The following PDS5B variants were observed in gnomAD, a reference collection of about 807,000 sequenced individuals.
PDS5B encodes the protein PDS5 cohesin associated factor B.
In PDS5B, 51 loss-of-function variants were observed where a neutral mutation model predicts 184.1. The ratio of observed to expected loss-of-function variants is 0.28; its 90% CI spans 0.22 to 0.35. PDS5B has a LOEUF of 0.35. Ranked by LOEUF, PDS5B falls within the 10% of genes least tolerant of loss-of-function variation. The pLI is 1.00. For missense variants in PDS5B, 1,180 were observed against 1,723.3 expected, an observed-to-expected ratio of 0.68 and a Z score of 5.58; for synonymous variants, 566 against 569.2, an observed-to-expected ratio of 0.99 and a Z score of 0.08.
chr13:32,628,155 T>G (rs1017587990), intron 1 of PDS5B, among the ~76,000 whole-genome samples: 7 of 152,228 alleles, frequency 4.6e-5, no homozygotes, highest in Non-Finnish European at 8.8e-5. Context: ...AAAAAATACT[T>G]TATTACAAAT....
At chr13:32,758,952 GAT>G (rs1340538413) in intron 28 of PDS5B, among the ~76,000 whole-genome samples, 1 of 152,214 alleles carries the variant, frequency 6.6e-6, no homozygotes, top group East Asian at 1.9e-4. Flanking sequence ...TGCTGATAGA[GAT>G]ACAGTCTGAA....
intron 21 of PDS5B, 80 bp downstream of exon 21, chr13:32,735,410 A>T: frequency 1.1e-6 from 1 of 938,628 alleles, no homozygotes; most frequent in Non-Finnish European, 1.6e-6. Flanking sequence ...AAGTGAAATG[A>T]TATCAATAAT....
At chr13:32,617,195 C>G (rs1406895864) in intron 1 of PDS5B, among the ~76,000 whole-genome samples, 2 of 152,176 alleles carry the variant, frequency 1.3e-5, no homozygotes, top group Admixed American at 1.3e-4. Context: ...CAGCTTAAAT[C>G]TGTTTTATCC....
At chr13:32,757,008 C>A (rs1011032784) in intron 26 of PDS5B, among the ~76,000 whole-genome samples, 6 of 151,740 alleles carry the variant, frequency 4.0e-5, no homozygotes, top group Non-Finnish European at 5.9e-5. Flanking sequence ...GCTTGTAGTC[C>A]CAGCTACTTG....
At chr13:32,668,086 A>C (rs541316556) in intron 7 of PDS5B, among the ~76,000 whole-genome samples, 2 of 152,252 alleles carry the variant, frequency 1.3e-5, no homozygotes, top group South Asian at 4.1e-4. Flanking sequence ...GAACTTAAAC[A>C]GTTTTATTTT....
chr13:32,769,996 A>T, intron 31 of PDS5B, 125 bp from the exon 32 acceptor site: 3 of 724,704 alleles, frequency 4.1e-6, no homozygotes, highest in Non-Finnish European at 4.4e-6. Flanking sequence ...TGGTGTATTT[A>T]AGAGCTGTAT....
intron 20 of PDS5B, among the ~76,000 whole-genome samples, chr13:32,734,088 C>T (rs2320468): frequency 0.38 from 56,772 of 150,988 alleles, 11,305 homozygotes; most frequent in Non-Finnish European, 0.45. Flanking sequence ...AGTGTAGTGG[C>T]GTGATCTCTG....
intron 1 of PDS5B, among the ~76,000 whole-genome samples, chr13:32,612,610 A>G (rs1187929831): frequency 1.3e-5 from 2 of 152,200 alleles, no homozygotes; most frequent in Non-Finnish European, 2.9e-5. Flanking sequence ...ATCCTCATTC[A>G]GCAGTGTTGG....
At chr13:32,752,141 A>G (rs1469769433) in intron 24 of PDS5B, among the ~76,000 whole-genome samples, 2 of 141,210 alleles carry the variant, frequency 1.4e-5, no homozygotes, top group Non-Finnish European at 2.9e-5. Context: ...AGTCTCCCCT[A>G]TCTTTGGTTT....
chr13:32,696,352 T>C (rs1295123207), intron 14 of PDS5B, among the ~76,000 whole-genome samples: 1 of 152,124 alleles, frequency 6.6e-6, no homozygotes, highest in Non-Finnish European at 1.5e-5. Flanking sequence ...TTACATATGG[T>C]ATAATGTAAT....
intron 31 of PDS5B, among the ~76,000 whole-genome samples, chr13:32,768,947 C>CAAAAAAAAAAAAAA (rs770324221): frequency 9.5e-5 from 8 of 84,490 alleles, no homozygotes; most frequent in African/African-American, 1.3e-4. Flanking sequence ...TAAAAAAATA[C>CAAAAAAAAAAAAAA]AAAAAAAAAA....
chr13:32,733,432 G>GA (rs1225960856), intron 20 of PDS5B, among the ~76,000 whole-genome samples: 3 of 152,046 alleles, frequency 2.0e-5, no homozygotes, highest in African/African-American at 7.2e-5. Flanking sequence ...TAATCTAATT[G>GA]AAAAAACTAC....
intron 2 of PDS5B, chr13:32,649,117 G>A (rs188163397): frequency 1.8e-5 from 7 of 396,902 alleles, no homozygotes; most frequent in African/African-American, 1.0e-4. Flanking sequence ...CTATACTTGG[G>A]TATAAAGAAC....
intron 1 of PDS5B, among the ~76,000 whole-genome samples, chr13:32,614,357 G>A (rs2058188256): frequency 6.6e-6 from 1 of 150,768 alleles, no homozygotes; most frequent in Non-Finnish European, 1.5e-5. Flanking sequence ...GAGTGCAGTG[G>A]TGTGATCTCA....
At chr13:32,653,506 G>A (rs1041974506) in intron 3 of PDS5B, among the ~76,000 whole-genome samples, 61 of 152,258 alleles carry the variant, frequency 4.0e-4, no homozygotes, top group Middle Eastern at 3.4e-3. Context: ...CTGAAGTGAG[G>A]AATGTGCTTA....
chr13:32,688,222 C>T (rs951078502), intron 12 of PDS5B, among the ~76,000 whole-genome samples: 4 of 151,008 alleles, frequency 2.6e-5, no homozygotes, highest in African/African-American at 9.7e-5. Flanking sequence ...GCCCAACATC[C>T]TGAAGATGGT....
chr13:32,744,460 A>G (rs766420654), intron 23 of PDS5B, among the ~76,000 whole-genome samples: 17 of 152,286 alleles, frequency 1.1e-4, no homozygotes, highest in Non-Finnish European at 2.5e-4. Context: ...CTATTTAAGC[A>G]AAAGTGATTT....
chr13:32,672,123 C>T (rs745358143), intron 7 of PDS5B, among the ~76,000 whole-genome samples: 7 of 152,048 alleles, frequency 4.6e-5, no homozygotes, highest in Admixed American at 4.6e-4. Flanking sequence ...GTGTTGTAAA[C>T]CGTGTAGATA....
At chr13:32,725,305 C>A (rs1952859957) in intron 19 of PDS5B, among the ~76,000 whole-genome samples, 1 of 152,120 alleles carries the variant, frequency 6.6e-6, no homozygotes, top group African/African-American at 2.4e-5. Flanking sequence ...GTGTTTCAGT[C>A]AGTTATGGTG....
Sources: gnomAD v4.1 joint callset for allele counts (sites outside exome capture counted in the v4.1 genomes callset) on GRCh38, gnomAD v4.1.1 for gene constraint, MANE v1.5 for transcripts, NCBI Gene and HGNC (gene_info 2026-07-23, HGNC 2026-07-21) for gene names.